The following PTPRD variants were observed in gnomAD, a reference collection of about 807,000 sequenced individuals.
PTPRD encodes protein tyrosine phosphatase receptor type D, also known as receptor-type tyrosine-protein phosphatase delta.
In PTPRD, 34 loss-of-function variants were observed where a neutral mutation model predicts 214.5. The ratio of observed to expected loss-of-function variants is 0.16; its 90% CI spans 0.12 to 0.21. The LOEUF (loss-of-function observed/expected upper bound fraction) is 0.21. Ranked by LOEUF, PTPRD falls within the 10% of genes least tolerant of loss-of-function variation. The pLI is 1.00. For missense variants in PTPRD, 2,545 were observed against 2,398.7 expected, an observed-to-expected ratio of 1.06 and a Z score of -1.27; for synonymous variants, 1,128 against 845.7, an observed-to-expected ratio of 1.33 and a Z score of -5.79.
chr9:9,862,880 T>G (rs2063097954), intron 5 of PTPRD, among the ~76,000 whole-genome samples: 1 of 152,212 alleles, frequency 6.6e-6, no homozygotes, highest in South Asian at 2.1e-4. Flanking sequence ...GCCTTTTCTG[T>G]TATGTTTTAG....
At chr9:9,554,168 C>A (rs571709312) in intron 8 of PTPRD, among the ~76,000 whole-genome samples, 1 of 151,990 alleles carries the variant, frequency 6.6e-6, no homozygotes, top group Non-Finnish European at 1.5e-5. Context: ...ACCACTGGTT[C>A]ATGTGGGTGT....
intron 3 of PTPRD, among the ~76,000 whole-genome samples, chr9:10,271,682 ATCG>A (rs2094434492): frequency 6.6e-6 from 1 of 151,780 alleles, no homozygotes; most frequent in Non-Finnish European, 1.5e-5. Flanking sequence ...AGCTGGCATT[ATCG>A]GCGTCTGCCA....
At chr9:10,322,717 C>T (rs2096574441) in intron 3 of PTPRD, among the ~76,000 whole-genome samples, 1 of 151,948 alleles carries the variant, frequency 6.6e-6, no homozygotes, top group Non-Finnish European at 1.5e-5. Flanking sequence ...CACATTGGTA[C>T]CAATTGGTTT....
At chr9:8,982,377 A>C (rs1348301932) in intron 11 of PTPRD, among the ~76,000 whole-genome samples, 1 of 151,988 alleles carries the variant, frequency 6.6e-6, no homozygotes, top group Non-Finnish European at 1.5e-5. Flanking sequence ...AAGTCTCATA[A>C]GGGAAGTCTT....
At chr9:8,698,477 G>A (rs963170937) in intron 12 of PTPRD, among the ~76,000 whole-genome samples, 4 of 152,168 alleles carry the variant, frequency 2.6e-5, no homozygotes, top group Non-Finnish European at 5.9e-5. Context: ...TGTAAAGGTG[G>A]TGTACATTTA....
chr9:9,922,894 G>A (rs997127461), intron 5 of PTPRD, among the ~76,000 whole-genome samples: 10 of 151,992 alleles, frequency 6.6e-5, no homozygotes, highest in African/African-American at 2.4e-4. Flanking sequence ...TGGACTCCAT[G>A]CTGGAGGAAA....
intron 3 of PTPRD, among the ~76,000 whole-genome samples, chr9:10,076,574 T>C (rs2154184892): frequency 6.6e-6 from 1 of 152,192 alleles, no homozygotes; most frequent in East Asian, 1.9e-4. Flanking sequence ...TTGGTGCTTC[T>C]TGGAAAAAGC....
intron 10 of PTPRD, 49 bp downstream of exon 10, chr9:9,183,255 T>C (rs1250316752): frequency 6.6e-6 from 1 of 151,974 alleles, no homozygotes; most frequent in Non-Finnish European, 1.5e-5. Context: ...CTGTATTAAG[T>C]ATTAGGACCC....
chr9:10,504,707 T>C (rs1259875412), intron 2 of PTPRD, among the ~76,000 whole-genome samples: 1 of 152,128 alleles, frequency 6.6e-6, no homozygotes, highest in African/African-American at 2.4e-5. Context: ...TCAGAAAAAA[T>C]AAAATTACTT....
chr9:9,329,806 G>C (rs920227689), intron 9 of PTPRD, among the ~76,000 whole-genome samples: 1 of 152,158 alleles, frequency 6.6e-6, no homozygotes, highest in Non-Finnish European at 1.5e-5. Context: ...TAATGCAAAT[G>C]GGTTTTCAGT....
At chr9:10,492,799 T>C (rs1011992527) in intron 2 of PTPRD, among the ~76,000 whole-genome samples, 2 of 152,156 alleles carry the variant, frequency 1.3e-5, no homozygotes, top group East Asian at 3.9e-4. Context: ...GTCTATGTCC[T>C]GAGTGGTATT....
At chr9:10,280,647 A>T (rs543150576) in intron 3 of PTPRD, among the ~76,000 whole-genome samples, 1 of 152,262 alleles carries the variant, frequency 6.6e-6, no homozygotes, top group African/African-American at 2.4e-5. Context: ...TCTGTCACAT[A>T]GGCTGGAGTG....
intron 13 of PTPRD, among the ~76,000 whole-genome samples, chr9:8,635,115 T>C (rs2096389950): frequency 6.7e-6 from 1 of 148,638 alleles, no homozygotes; most frequent in African/African-American, 2.4e-5. Flanking sequence ...TAGTAAAGAT[T>C]TTCAACCAAG....
rs976703700 is a variant in PTPRD, at chr9:10,400,905, T to C, written c.-599-59888A>G. On this transcript the variant is annotated intron_variant, in intron 2 of 45. Coordinates refer to ENST00000381196, the MANE Select transcript of PTPRD (RefSeq NM_002839.4). ...TCAATGCTATTTAACTATTTCTTTG[T>C]ATTCCTCCAATTCCTTTCTTTACTC... 2.6e-5 allele frequency among the ~76,000 whole-genome samples: 4 copies of C among 151,644 alleles called. No homozygotes were observed. In the Admixed American group the frequency reaches 2.6e-4, roughly 10 times the overall value.
chr9:9,706,381 G>C (rs1471037007), intron 7 of PTPRD, among the ~76,000 whole-genome samples: 1 of 151,672 alleles, frequency 6.6e-6, no homozygotes, highest in Non-Finnish European at 1.5e-5. Flanking sequence ...ACCAAAATAA[G>C]AGTACTATTG....
chr9:8,994,047 G>A (rs765107701), intron 11 of PTPRD, among the ~76,000 whole-genome samples: 2 of 152,230 alleles, frequency 1.3e-5, no homozygotes, highest in Non-Finnish European at 2.9e-5. Flanking sequence ...TACCCACAAT[G>A]TAGGATTTAA....
Position 9,328,659 on chromosome 9 carries a change from A to G in PTPRD, c.-203+68790T>C, listed in dbSNP as rs1472660349. Among the ~76,000 whole-genome samples the G allele has an allele frequency of 4.2e-5, 2 of 47,948 alleles. 1 individual carries two copies. The highest frequency in any genetic ancestry group is 1.6e-4 in the African/African-American group (2 of 12,270). The allele number at this position is 47,948 out of a possible 152,430, so 31.5% of individuals were successfully genotyped here. ...TTTTTTTTTTTTTTTTTTTTTTGAG[A>G]TAGAGTCTTGCTCTGTCGCCCAGGC... On this transcript the variant is annotated intron_variant, in intron 9 of 45. Transcript: ENST00000381196.
intron 3 of PTPRD, among the ~76,000 whole-genome samples, chr9:10,317,915 C>G (rs2096474120): frequency 6.6e-6 from 1 of 151,982 alleles, no homozygotes; most frequent in African/African-American, 2.4e-5. Context: ...TCCAGCTTCA[C>G]TTCTCTAATT....
chr9:8,922,459 G>C (rs1475716069), intron 11 of PTPRD, among the ~76,000 whole-genome samples: 1 of 152,100 alleles, frequency 6.6e-6, no homozygotes, highest in Non-Finnish European at 1.5e-5. Context: ...AGAATACAAA[G>C]GTCATCAGGG....
Sources: allele counts gnomAD v4.1 joint callset (sites outside exome capture counted in the v4.1 genomes callset), GRCh38; gene constraint gnomAD v4.1.1; transcripts MANE v1.5; gene names NCBI Gene and HGNC (gene_info 2026-07-23, HGNC 2026-07-21).